The following MLLT11 variants were observed in gnomAD, a reference collection of about 807,000 sequenced individuals.
MLLT11 encodes MLLT11 transcription factor 7 cofactor, also known as protein AF1q.
MLLT11 carries 1 observed loss-of-function variant against 5.3 expected under a neutral mutation model. The observed-to-expected ratio is 0.19, with a 90% CI of 0.07 to 0.89. The LOEUF is 0.89. Ranked by LOEUF, MLLT11 falls within the 40% of genes least tolerant of loss-of-function variation. MLLT11 has a pLI of 0.67. For missense variants in MLLT11, 87 were observed against 107.3 expected (o/e 0.81, Z 0.83); for synonymous variants, 38 against 41.7 (o/e 0.91, Z 0.34).
intron 1 of MLLT11, 94 bp from the exon 2 acceptor site, chr1:151,067,125 T>G: frequency 9.9e-7 from 1 of 1,009,274 alleles, no homozygotes; most frequent in Non-Finnish European, 1.4e-6. Context: ...AAGAAATTCC[T>G]TTTTACCAGT....
In MLLT11 at chr1:151,067,517, C is replaced by T; in HGVS notation, c.*20C>T. ...CTCTAAGGCCAAGACTTCTCTCTCC[C>T]ATCACCTTGCCCTCATTGTCTTCCC... On this transcript the variant is annotated 3_prime_UTR_variant, in exon 2 of 2. Coordinates refer to ENST00000368921, the MANE Select transcript of MLLT11 (RefSeq NM_006818.4). 1 of 1,608,540 alleles carries T rather than the reference C, an allele frequency of 6.2e-7. No homozygotes were observed. Among genetic ancestry groups the T allele is most frequent in the Non-Finnish European group, 8.5e-7 (1 of 1,176,712 alleles).
chr1:151,063,295 G>A (rs1364549285), intron 1 of MLLT11, among the ~76,000 whole-genome samples: 3 of 152,292 alleles, frequency 2.0e-5, no homozygotes, highest in African/African-American at 7.2e-5. Context: ...CTCTGGCCTG[G>A]TGAGACCCAA....
chr1:151,066,490 GA>G (rs1412793955), intron 1 of MLLT11, among the ~76,000 whole-genome samples: 3 of 152,172 alleles, frequency 2.0e-5, no homozygotes, highest in Admixed American at 1.3e-4. Flanking sequence ...AGCAAGACAG[GA>G]ATGAGCATAA....
At chr1:151,065,821 G>T (rs1157811577) in intron 1 of MLLT11, among the ~76,000 whole-genome samples, 1 of 152,046 alleles carries the variant, frequency 6.6e-6, no homozygotes, top group Non-Finnish European at 1.5e-5. Context: ...CTATAGACTT[G>T]GAGTTTTTTG....
chr1:151,063,736 T>C (rs1248280501), intron 1 of MLLT11, among the ~76,000 whole-genome samples: 1 of 152,230 alleles, frequency 6.6e-6, no homozygotes, highest in South Asian at 2.1e-4. Flanking sequence ...CAACTAATGC[T>C]TCTTGACCCT....
chr1:151,063,061 A>C (rs1676428252), intron 1 of MLLT11, among the ~76,000 whole-genome samples: 1 of 152,182 alleles, frequency 6.6e-6, no homozygotes. Context: ...AGTAATGCTC[A>C]GTTCCCAGGG....
In MLLT11 at chr1:151,067,665, C is replaced by T; in HGVS notation, c.*168C>T. On this transcript the variant is annotated 3_prime_UTR_variant, in exon 2 of 2. Coordinates refer to ENST00000368921, the MANE Select transcript of MLLT11 (RefSeq NM_006818.4). ...GTATTTATTTATCTATCTGTCTACT[C>T]CATTTCTCTCAAAAGCCCTCAAGTC... 1 of 771,964 alleles carries T rather than the reference C, an allele frequency of 1.3e-6. No individual in the cohort carries two copies. The highest frequency in any genetic ancestry group is 2.6e-5 in the East Asian group (1 of 38,534). 47.8% of individuals were successfully genotyped at this position (771,964 alleles called of 1,614,324 possible). A position where few individuals can be genotyped will look rare whatever the true frequency, so the allele number is the denominator to read the frequency against.
chr1:151,065,408 C>A (rs74125080), intron 1 of MLLT11, among the ~76,000 whole-genome samples: 3,714 of 152,270 alleles, frequency 0.024, 103 homozygotes, highest in African/African-American at 0.074. Flanking sequence ...GGTTTTAAGA[C>A]AAGGGGTCAA....
chr1:151,064,055 CTT>C (rs939062486), intron 1 of MLLT11, among the ~76,000 whole-genome samples: 10 of 151,502 alleles, frequency 6.6e-5, no homozygotes, highest in African/African-American at 1.9e-4. Context: ...GAGTTTCGCT[CTT>C]GTTGCCCAGG....
chr1:151,062,272 C>T (rs1361859842), intron 1 of MLLT11, among the ~76,000 whole-genome samples: 2 of 151,982 alleles, frequency 1.3e-5, no homozygotes, highest in Non-Finnish European at 2.9e-5. Context: ...GATCTGGATT[C>T]TATACAAACT....
chr1:151,067,488 C>T lies in MLLT11; in HGVS notation c.264C>T (p.Asp88=). 1 of 1,613,620 alleles carries T rather than the reference C, an allele frequency of 6.2e-7. No individual in the cohort carries two copies. Among genetic ancestry groups the T allele is most frequent in the South Asian group, 1.1e-5 (1 of 91,060 alleles). ...PIASIHSFEL[D]LL ...CCAGCATCCACTCCTTCGAACTGGA[C>T]TTGCTCTAAGGCCAAGACTTCTCTC... The change falls in exon 2 of 2, where the codon GAC becomes GAT. Residue 88 remains aspartate (D), a synonymous_variant. Coordinates refer to ENST00000368921, the MANE Select transcript of MLLT11 (RefSeq NM_006818.4).
rs928614867 is a variant in MLLT11, at chr1:151,066,557, T to C, written c.-6-662T>C. 2.7e-4 allele frequency among the ~76,000 whole-genome samples: 41 copies of C among 152,196 alleles called. 2 individuals are homozygous for C. The highest frequency in any genetic ancestry group is 7.3e-5 in the Non-Finnish European group (5 of 68,032). ...GAATGGGCTAGATTTTGGAAGGCCT[T>C]GAAAATCAGACCCAAGATCAATTTG... On this transcript the variant is annotated intron_variant, in intron 1 of 1. Coordinates refer to ENST00000368921, the MANE Select transcript of MLLT11 (RefSeq NM_006818.4).
intron 1 of MLLT11, among the ~76,000 whole-genome samples, chr1:151,064,076 C>A (rs897979505): frequency 1.3e-5 from 2 of 151,972 alleles, no homozygotes; most frequent in Non-Finnish European, 2.9e-5. Flanking sequence ...GGCTGGAGTG[C>A]AATGGCGAGA....
chr1:151,067,111 A>G (rs1045943888), intron 1 of MLLT11, 108 bp from the exon 2 acceptor site: 2 of 949,804 alleles, frequency 2.1e-6, no homozygotes, highest in Non-Finnish European at 3.1e-6. Flanking sequence ...AAAAAAAAAA[A>G]AAAAAGAAAT....
chr1:151,067,501 CAA>C lies in MLLT11; in HGVS notation c.*5_*6del, dbSNP rs1558112441. On this transcript the variant is annotated 3_prime_UTR_variant, in exon 2 of 2. Transcript: ENST00000368921. ...CTTCGAACTGGACTTGCTCTAAGGC[CAA>C]GACTTCTCTCTCCCATCACCTTGCC... 1 of 1,611,876 alleles carries C rather than the reference CAA, an allele frequency of 6.2e-7. No homozygotes were observed. Among genetic ancestry groups the C allele is most frequent in the Non-Finnish European group, 8.5e-7 (1 of 1,178,868 alleles).
Position 151,060,743 on chromosome 1 carries a change from C to A in MLLT11, c.-7+190C>A, listed in dbSNP as rs150082090. Among the ~76,000 whole-genome samples, 109 of 152,304 alleles carry A rather than the reference C, an allele frequency of 7.2e-4. 1 individual carries two copies. The highest frequency in any genetic ancestry group is 2.4e-3 in the African/African-American group (99 of 41,560). On this transcript the variant is annotated intron_variant, in intron 1 of 1. Coordinates refer to ENST00000368921, the MANE Select transcript of MLLT11 (RefSeq NM_006818.4). ...CCTTATACAGACCATTAATCTCTAA[C>A]AATTTACTTGTAGTTATTTCTCAGC...
intron 1 of MLLT11, among the ~76,000 whole-genome samples, chr1:151,062,346 T>C (rs1571855847): frequency 1.3e-5 from 2 of 151,524 alleles, no homozygotes; most frequent in East Asian, 3.9e-4. Flanking sequence ...TTCTATGATT[T>C]TTTCCCCCCA....
intron 1 of MLLT11, among the ~76,000 whole-genome samples, chr1:151,061,981 G>A (rs1203736683): frequency 1.3e-5 from 2 of 151,966 alleles, no homozygotes; most frequent in Non-Finnish European, 1.5e-5. Context: ...CAAACACTCA[G>A]GGACTGTTTG....
In MLLT11 at chr1:151,067,740, CT is replaced by C; in HGVS notation, c.*246del. ...GAGTACTGGGTCACAGGGATTCCTC[CT>C]TTCCCCCCCAAATATTAACTCCAGA... On this transcript the variant is annotated 3_prime_UTR_variant, in exon 2 of 2. Transcript: ENST00000368921. 2 of 548,936 alleles carry C rather than the reference CT, an allele frequency of 3.6e-6. No individual in the cohort carries two copies. Among genetic ancestry groups the C allele is most frequent in the Middle Eastern group, 5.0e-4 (1 of 2,014 alleles). The allele number at this position is 548,936 out of a possible 1,614,324, so 34.0% of individuals were successfully genotyped here.
Sources: gnomAD v4.1 joint callset for allele counts (sites outside exome capture counted in the v4.1 genomes callset) on GRCh38, gnomAD v4.1.1 for gene constraint, MANE v1.5 for transcripts, NCBI Gene and HGNC (gene_info 2026-07-23, HGNC 2026-07-21) for gene names.